PLCH1: variants seen among roughly 807,000 people sequenced by gnomAD.
The protein encoded by PLCH1 is 1-phosphatidylinositol 4,5-bisphosphate phosphodiesterase eta-1.
In PLCH1, 60 loss-of-function variants were observed where a neutral mutation model predicts 126.7. The observed-to-expected ratio is 0.47, with a 90% confidence interval of 0.38 to 0.59. The LOEUF is 0.59. Ranked by LOEUF, PLCH1 falls within the 20% of genes least tolerant of loss-of-function variation. The pLI is 0.00. For synonymous variants in PLCH1, 719 were observed against 734.9 expected (o/e 0.98, Z 0.35); for missense variants, 1,723 against 2,040.0 (o/e 0.84, Z 2.99).
intron 21 of PLCH1, among the ~76,000 whole-genome samples, chr3:155,468,755 C>A (rs1018044615): frequency 6.6e-6 from 1 of 151,990 alleles, no homozygotes; most frequent in African/African-American, 2.4e-5. Context: ...AACAAAGGAG[C>A]ACCCAGATAT....
chr3:155,716,867 C>G (rs999590260), intron 1 of PLCH1, among the ~76,000 whole-genome samples: 10 of 152,204 alleles, frequency 6.6e-5, no homozygotes, highest in Admixed American at 2.0e-4. Context: ...AAAGTCTTAA[C>G]TCATTCCAGC....
At chr3:155,697,395 G>A (rs776389906) in intron 2 of PLCH1, among the ~76,000 whole-genome samples, 3 of 152,162 alleles carry the variant, frequency 2.0e-5, no homozygotes, top group Admixed American at 6.5e-5. Flanking sequence ...GCCGCTGTTA[G>A]GCGTATAATA....
At chr3:155,524,462 T>C (rs1411926786) in intron 10 of PLCH1, among the ~76,000 whole-genome samples, 3 of 152,186 alleles carry the variant, frequency 2.0e-5, no homozygotes, top group Non-Finnish European at 4.4e-5. Flanking sequence ...AGTTAAGATG[T>C]TAGGTAGATT....
At chr3:155,516,046 T>A (rs1263411507) in intron 11 of PLCH1, among the ~76,000 whole-genome samples, 6 of 152,230 alleles carry the variant, frequency 3.9e-5, no homozygotes, top group Non-Finnish European at 7.3e-5. Context: ...TGAATTTCCC[T>A]GTATCACTAT....
chr3:155,698,319 T>G (rs1223738834), intron 2 of PLCH1, among the ~76,000 whole-genome samples: 2 of 152,220 alleles, frequency 1.3e-5, no homozygotes, highest in Non-Finnish European at 2.9e-5. Flanking sequence ...CATTGAGAAT[T>G]TTTTGTATCT....
intron 4 of PLCH1, among the ~76,000 whole-genome samples, chr3:155,589,740 T>A (rs192682167): frequency 6.6e-6 from 1 of 152,296 alleles, no homozygotes; most frequent in East Asian, 1.9e-4. Context: ...CTTTCATTTA[T>A]CTGAATAGGA....
At chr3:155,713,348 T>C (rs1213211015) in intron 1 of PLCH1, among the ~76,000 whole-genome samples, 1 of 152,108 alleles carries the variant, frequency 6.6e-6, no homozygotes, top group Non-Finnish European at 1.5e-5. Context: ...CTGGAGTGTA[T>C]AGATTAGAGA....
chr3:155,514,688 C>A, intron 12 of PLCH1, 35 bp downstream of exon 12: 1 of 1,316,866 alleles, frequency 7.6e-7, no homozygotes. Context: ...TTTTTTTTTC[C>A]TGTTGAAGGA....
intron 4 of PLCH1, among the ~76,000 whole-genome samples, chr3:155,587,519 C>T (rs975516781): frequency 2.6e-5 from 4 of 152,200 alleles, no homozygotes; most frequent in East Asian, 1.9e-4. Flanking sequence ...CTCTACACCA[C>T]GCTTCTCTTC....
At chr3:155,458,213 A>G (rs112048559) in intron 21 of PLCH1, among the ~76,000 whole-genome samples, 6,839 of 151,310 alleles carry the variant, frequency 0.045, 481 homozygotes, top group African/African-American at 0.16. Context: ...GTAGTAGTGC[A>G]TGCCTGTAAT....
At chr3:155,535,012 A>T (rs1307028443) in intron 10 of PLCH1, among the ~76,000 whole-genome samples, 1 of 152,218 alleles carries the variant, frequency 6.6e-6, no homozygotes, top group Non-Finnish European at 1.5e-5. Context: ...CAGTATGACA[A>T]CAGACTAATA....
At position 155,500,807 on chromosome 3, in the gene PLCH1, T is replaced by C. The variant is rs753960166; in HGVS notation, c.1705-13A>G. 4 of 1,559,174 alleles carry C rather than the reference T, an allele frequency of 2.6e-6. No individual in the cohort carries two copies. The East Asian group carries it at 9.0e-5, about 35-fold the overall frequency. ...ATTTTGTAGTTTTCTGCCAGAAAAA[T>C]CAAAACAAACTTAACAAACTCATTG... On this transcript the variant is annotated splice_polypyrimidine_tract_variant and intron_variant, in intron 13 of 22. Transcript: ENST00000460012.
At chr3:155,689,174 G>A (rs1745183930) in intron 2 of PLCH1, among the ~76,000 whole-genome samples, 1 of 152,150 alleles carries the variant, frequency 6.6e-6, no homozygotes, top group Non-Finnish European at 1.5e-5. Context: ...AGTCTGCCTG[G>A]TAATCTAGAA....
chr3:155,554,262 T>C, intron 8 of PLCH1, 66 bp from the exon 9 acceptor site: 1 of 1,481,350 alleles, frequency 6.8e-7, no homozygotes, highest in Non-Finnish European at 9.3e-7. Context: ...TTTCTGGAAA[T>C]ACCAGACACA....
At chr3:155,705,805 G>T (rs1463409425) in intron 1 of PLCH1, among the ~76,000 whole-genome samples, 5 of 152,146 alleles carry the variant, frequency 3.3e-5, no homozygotes, top group Non-Finnish European at 7.3e-5. Context: ...ATAGTAATGA[G>T]ACTTGAAGTC....
intron 2 of PLCH1, among the ~76,000 whole-genome samples, chr3:155,597,474 G>C (rs1733127703): frequency 6.6e-6 from 1 of 152,038 alleles, no homozygotes. Context: ...ATTTCACAAA[G>C]ATTACCAACT....
At chr3:155,727,701 C>A (rs1255371102) in intron 1 of PLCH1, among the ~76,000 whole-genome samples, 4 of 152,184 alleles carry the variant, frequency 2.6e-5, no homozygotes, top group East Asian at 3.9e-4. Flanking sequence ...TGTATGAAAT[C>A]TTTAAACCAA....
chr3:155,481,347 T>C lies in PLCH1; in HGVS notation c.4679A>G (p.Asn1560Ser), dbSNP rs1040504202. The change falls in exon 23 of 23, where the codon AAT becomes AGT. Residue 1560 changes from asparagine (N) to serine (S), a missense_variant. This residue lies in a region of PLCH1 where 947 missense variants were observed against 977.1 expected (regional missense o/e 0.97). Transcript: ENST00000460012. This position sits in a 1 kb window ranked among gnomAD's most constrained non-coding sequence, Gnocchi z 4.2. The part of the protein sequence containing the change: ...CQVLYSKQDA[N>S]QLPRALVRKL... ...CCTGACCAGTGCCCGGGGGAGCTGA[T>C]TGGCATCCTGCTTTGAATATAGCAC... 5.6e-6 allele frequency: 9 copies of C among 1,614,112 alleles called. No individual in the cohort carries two copies. Among genetic ancestry groups the C allele is most frequent in the Middle Eastern group, 1.6e-4 (1 of 6,084 alleles).
rs1174780818 is a variant in PLCH1 at position 155,458,503 on chromosome 3, A to AGAAAGAAG, written c.2938+26852_2938+26853insCTTCTTTC. Among the ~76,000 whole-genome samples the AGAAAGAAG allele has an allele frequency of 1.4e-4, 17 of 118,478 alleles. 2 individuals are homozygous for AGAAAGAAG. Among genetic ancestry groups the AGAAAGAAG allele is most frequent in the African/African-American group, 7.8e-4 (15 of 19,350 alleles). 77.7% of individuals were successfully genotyped at this position (118,478 alleles called of 152,430 possible). A position where few individuals can be genotyped will look rare whatever the true frequency, so the allele number is the denominator to read the frequency against. On this transcript the variant is annotated intron_variant, in intron 21 of 21. Coordinates refer to the PLCH1 transcript ENST00000494598. The stretch of plus-strand genomic sequence containing the variant: ...GAAAGAAAGAAAGAAAGAAAGAGAA[A>AGAAAGAAG]GAAGAGAGAGAAATAAGAAAGAGAA...
Sources: allele counts gnomAD v4.1 joint callset (sites outside exome capture counted in the v4.1 genomes callset), GRCh38; gene constraint gnomAD v4.1.1; regional missense constraint gnomAD v4.1.1; non-coding constraint Gnocchi (gnomAD v3.1); transcripts MANE v1.5; gene names NCBI Gene and HGNC (gene_info 2026-07-23, HGNC 2026-07-21).